ASIC2: variants seen among roughly 807,000 people sequenced by gnomAD.
The protein encoded by ASIC2 is acid-sensing ion channel 2.
Under a neutral mutation model 57.3 loss-of-function variants are expected in ASIC2, and 25 were observed. The ratio of observed to expected loss-of-function variants is 0.44; its 90% CI spans 0.32 to 0.61. The LOEUF is 0.61. ASIC2 is among the 20% of genes least tolerant of loss of function. The probability of loss-of-function intolerance (pLI) is 0.06; values close to 1 mark genes in which losing one functional copy is unlikely to be tolerated. For synonymous variants in ASIC2, 319 were observed against 307.5 expected (o/e 1.04, Z -0.39); for missense variants, 641 against 738.1 (o/e 0.87, Z 1.52).
chr17:33,844,605 T>C (rs1913528580), intron 1 of ASIC2, among the ~76,000 whole-genome samples: 1 of 152,236 alleles, frequency 6.6e-6, no homozygotes, highest in Non-Finnish European at 1.5e-5. Flanking sequence ...GATAGTCATC[T>C]GGGAATGGAG....
chr17:33,648,303 CA>C (rs1906809211), intron 1 of ASIC2, among the ~76,000 whole-genome samples: 1 of 152,184 alleles, frequency 6.6e-6, no homozygotes, highest in South Asian at 2.1e-4. Context: ...AGGCAGCAAG[CA>C]TTACGATGAT....
At chr17:33,535,651 T>A (rs1915206757) in intron 1 of ASIC2, among the ~76,000 whole-genome samples, 1 of 152,104 alleles carries the variant, frequency 6.6e-6, no homozygotes, top group Admixed American at 6.5e-5. Flanking sequence ...CTCCTGCCAA[T>A]AGACATTAAT....
intron 1 of ASIC2, among the ~76,000 whole-genome samples, chr17:34,129,048 CAG>C (rs1442628726): frequency 1.3e-5 from 2 of 151,942 alleles, no homozygotes; most frequent in African/African-American, 4.9e-5. Flanking sequence ...GATCAGTGTG[CAG>C]AGTGATGCCT....
At chr17:33,497,064 G>C (rs1414633859) in intron 1 of ASIC2, among the ~76,000 whole-genome samples, 1 of 152,180 alleles carries the variant, frequency 6.6e-6, no homozygotes, top group Non-Finnish European at 1.5e-5. Context: ...GGATGTGATG[G>C]GGGGAAAGGC....
At chr17:33,341,937 G>A (rs1040181812) in intron 1 of ASIC2, among the ~76,000 whole-genome samples, 14 of 152,156 alleles carry the variant, frequency 9.2e-5, no homozygotes, top group African/African-American at 3.4e-4. Context: ...CATCTCTTGA[G>A]ATGAATGCTC....
intron 1 of ASIC2, among the ~76,000 whole-genome samples, chr17:33,321,804 C>T (rs1178614207): frequency 6.6e-6 from 1 of 152,120 alleles, no homozygotes; most frequent in African/African-American, 2.4e-5. Context: ...GTTTACAACC[C>T]CTTAATGTGA....
At chr17:33,785,473 C>G (rs1339595700) in intron 1 of ASIC2, among the ~76,000 whole-genome samples, 2 of 152,182 alleles carry the variant, frequency 1.3e-5, no homozygotes, top group Non-Finnish European at 2.9e-5. Flanking sequence ...GTTACATAAT[C>G]TTCCCAAGTC....
At chr17:33,159,844 C>T (rs115018144) in intron 1 of ASIC2, among the ~76,000 whole-genome samples, 3,598 of 152,232 alleles carry the variant, frequency 0.024, 166 homozygotes, top group African/African-American at 0.083. Context: ...ATGATAGCAC[C>T]GACCTCCTAT....
intron 1 of ASIC2, among the ~76,000 whole-genome samples, chr17:33,432,694 A>G (rs1219400909): frequency 6.6e-6 from 1 of 152,222 alleles, no homozygotes; most frequent in Non-Finnish European, 1.5e-5. Flanking sequence ...GGCTAACAGT[A>G]GACTATTCCT....
intron 1 of ASIC2, among the ~76,000 whole-genome samples, chr17:33,362,633 G>A (rs752459676): frequency 2.0e-5 from 3 of 152,224 alleles, no homozygotes; most frequent in African/African-American, 4.8e-5. Context: ...CAGGATTCTT[G>A]GAACTGTGAA....
chr17:33,214,302 G>A (rs1907391804), intron 1 of ASIC2, among the ~76,000 whole-genome samples: 1 of 151,924 alleles, frequency 6.6e-6, no homozygotes, highest in Admixed American at 6.6e-5. Flanking sequence ...TCCCCAAGAT[G>A]CTCCTCTTTT....
At chr17:33,113,679 T>C (rs183319894) in intron 1 of ASIC2, among the ~76,000 whole-genome samples, 155 of 152,394 alleles carry the variant, frequency 1.0e-3, no homozygotes, top group African/African-American at 3.2e-3. Context: ...GCTTCTACCC[T>C]GTGCCAGGAA....
At chr17:33,414,304 G>A (rs1910763441) in intron 1 of ASIC2, among the ~76,000 whole-genome samples, 1 of 152,158 alleles carries the variant, frequency 6.6e-6, no homozygotes, top group South Asian at 2.1e-4. Flanking sequence ...AGTGCAGAGA[G>A]ACTCCAGTAG....
chr17:33,292,302 G>A lies in ASIC2; in HGVS notation c.-187C>T. 1 of 986,656 alleles carries A rather than the reference G, an allele frequency of 1.0e-6. No homozygotes were observed. Among genetic ancestry groups the A allele is most frequent in the Non-Finnish European group, 1.2e-6 (1 of 831,664 alleles). The allele number at this position is 986,656 out of a possible 1,614,324, so 61.1% of individuals were successfully genotyped here. ...CCGGCGCCGCCGCTGCCGCCTCCGC[G>A]GGCGCCCGCCCGGGGCTGAGCGCCG... is the stretch of plus-strand genomic sequence containing the variant. On this transcript the variant is annotated 5_prime_UTR_variant, in exon 1 of 10. Transcript: ENST00000225823.
intron 1 of ASIC2, among the ~76,000 whole-genome samples, chr17:33,980,197 T>C (rs1905560692): frequency 6.6e-6 from 1 of 152,010 alleles, no homozygotes; most frequent in African/African-American, 2.4e-5. Flanking sequence ...AAATAGGTGC[T>C]GGGAGCATGG....
intron 1 of ASIC2, among the ~76,000 whole-genome samples, chr17:33,924,293 C>A (rs914095849): frequency 1.3e-5 from 2 of 152,194 alleles, no homozygotes; most frequent in Non-Finnish European, 1.5e-5. Context: ...GCTTGCAGAG[C>A]GGGCTTGCAA....
intron 1 of ASIC2, among the ~76,000 whole-genome samples, chr17:34,018,507 C>T (rs1361649015): frequency 2.0e-5 from 3 of 152,088 alleles, no homozygotes; most frequent in African/African-American, 4.8e-5. Flanking sequence ...TTTCATGAGG[C>T]TATAGCTGCC....
chr17:33,816,312 A>C (rs1912580040), intron 1 of ASIC2, among the ~76,000 whole-genome samples: 1 of 152,146 alleles, frequency 6.6e-6, no homozygotes, highest in African/African-American at 2.4e-5. Flanking sequence ...GGAGGGAAAA[A>C]GGGGATGGAT....
chr17:33,431,754 G>A (rs1035056477), intron 1 of ASIC2, among the ~76,000 whole-genome samples: 23 of 152,184 alleles, frequency 1.5e-4, no homozygotes, highest in Admixed American at 5.2e-4. Context: ...CTATGATTGC[G>A]TTAAAATAAA....
Sources: gnomAD v4.1 joint callset for allele counts (sites outside exome capture counted in the v4.1 genomes callset) on GRCh38, gnomAD v4.1.1 for gene constraint, MANE v1.5 for transcripts, NCBI Gene and HGNC (gene_info 2026-07-23, HGNC 2026-07-21) for gene names.